The following GRID2 variants were observed in gnomAD, a reference collection of about 807,000 sequenced individuals.
The protein encoded by GRID2 is glutamate receptor ionotropic, delta-2.
In GRID2, 33 loss-of-function variants were observed where a neutral mutation model predicts 114.8. The observed-to-expected ratio is 0.29, with a 90% CI of 0.22 to 0.38. The LOEUF is 0.38. Ranked by LOEUF, GRID2 falls within the 10% of genes least tolerant of loss-of-function variation. GRID2 has a pLI of 1.00. For missense variants in GRID2, 1,184 were observed against 1,257.7 expected, an observed-to-expected ratio of 0.94 and a Z score of 0.89; for synonymous variants, 505 against 449.9, an observed-to-expected ratio of 1.12 and a Z score of -1.55.
At chr4:93,200,564 T>TCAAAAAAAAAAAAAA (rs1435472474) in intron 4 of GRID2, among the ~76,000 whole-genome samples, 30 of 114,502 alleles carry the variant, frequency 2.6e-4, no homozygotes, top group Admixed American at 9.0e-4. Context: ...AGACTCCGTC[T>TCAAAAAAAAAAAAAA]CAAAACAAAC....
chr4:92,583,039 G>A (rs1728256386), intron 1 of GRID2, among the ~76,000 whole-genome samples: 1 of 151,828 alleles, frequency 6.6e-6, no homozygotes, highest in African/African-American at 2.4e-5. Context: ...TTTCTTATCT[G>A]GAAATTTGTT....
intron 1 of GRID2, among the ~76,000 whole-genome samples, chr4:92,550,649 C>T (rs1238198353): frequency 6.6e-6 from 1 of 152,132 alleles, no homozygotes; most frequent in African/African-American, 2.4e-5. Flanking sequence ...CTCAGCCTCT[C>T]TAATTGAGGG....
intron 1 of GRID2, among the ~76,000 whole-genome samples, chr4:92,398,583 G>A (rs1054200513): frequency 2.6e-5 from 4 of 152,182 alleles, no homozygotes; most frequent in Non-Finnish European, 5.9e-5. Flanking sequence ...ACAGGCATGA[G>A]CCACTGCTCC....
chr4:93,053,040 G>C (rs772033433), intron 2 of GRID2, among the ~76,000 whole-genome samples: 19 of 151,836 alleles, frequency 1.3e-4, no homozygotes, highest in Non-Finnish European at 2.5e-4. Context: ...ACCATCGGTG[G>C]AAGAAATGTA....
At chr4:92,398,068 T>C (rs908675047) in intron 1 of GRID2, among the ~76,000 whole-genome samples, 1 of 152,158 alleles carries the variant, frequency 6.6e-6, no homozygotes, top group Non-Finnish European at 1.5e-5. Context: ...AAATAATATA[T>C]GCAGAGACAT....
intron 13 of GRID2, among the ~76,000 whole-genome samples, chr4:93,559,297 G>T (rs1416368599): frequency 1.3e-5 from 2 of 152,112 alleles, no homozygotes; most frequent in Non-Finnish European, 2.9e-5. Flanking sequence ...GAGTGAACAG[G>T]CAACCTACAG....
chr4:93,788,537 C>A (rs866673343), intron 1 of GRID2, among the ~76,000 whole-genome samples: 1 of 151,878 alleles, frequency 6.6e-6, no homozygotes, highest in African/African-American at 2.4e-5. Context: ...CATTGTATAC[C>A]ATATGCATAT....
intron 13 of GRID2, among the ~76,000 whole-genome samples, chr4:93,589,733 A>G (rs1347805439): frequency 2.0e-5 from 3 of 152,184 alleles, no homozygotes; most frequent in Non-Finnish European, 4.4e-5. Flanking sequence ...TGACTTTTTA[A>G]TGATTGCCAT....
Position 92,938,312 on chromosome 4 carries a change from ATCT to A in GRID2, c.245-146678_245-146676del, listed in dbSNP as rs998146177. 6.1e-4 allele frequency among the ~76,000 whole-genome samples: 90 copies of A among 146,688 alleles called. 6 individuals carry two copies. Among genetic ancestry groups the A allele is most frequent in the African/African-American group, 2.1e-3 (87 of 41,262 alleles). ...GATTCTTTTCTTATCAATAGCATAA[ATCT>A]TCTTTATGGCCCATCTTTCTGGTTT... On this transcript the variant is annotated intron_variant, in intron 2 of 15. Transcript: ENST00000282020.
At position 92,684,791 on chromosome 4, in the gene GRID2, T is replaced by C. The variant is rs528053778; in HGVS notation, c.244+94505T>C. On this transcript the variant is annotated intron_variant, in intron 2 of 15. Coordinates refer to ENST00000282020, the MANE Select transcript of GRID2 (RefSeq NM_001510.4). ...CCAAGGAAATAAGGATAACATAATG[T>C]TTGTGGTTGTCAGATGATTTTTAGA... Among the ~76,000 whole-genome samples, 86 of 152,154 alleles carry C rather than the reference T, an allele frequency of 5.7e-4. 1 individual carries two copies. The South Asian group carries it at 0.017, about 30-fold the overall frequency.
rs548662007 is a variant in GRID2, at chr4:93,603,377, C to T, written c.2194-22892C>T. 3.9e-5 allele frequency among the ~76,000 whole-genome samples: 6 copies of T among 152,292 alleles called. No homozygotes were observed. In the South Asian group the frequency reaches 8.3e-4, roughly 21 times the overall value. On this transcript the variant is annotated intron_variant, in intron 13 of 15. Transcript: ENST00000282020. ...CCTAACTTTTTTCAATTCTATTCAC[C>T]TCTATGAGAAACATGAGAAAGCTGC...
rs569759390 is a variant in GRID2 at position 93,722,370 on chromosome 4, G to C, written c.2361-46840G>C. On this transcript the variant is annotated intron_variant, in intron 14 of 15. Transcript: ENST00000282020. ...GAAATTATTCAGAATCATATCACTAGTGAGTTACGGACCAGGAACTTTAAC... is the reference window on the plus strand; with the variant it reads ...GAAATTATTCAGAATCATATCACTACTGAGTTACGGACCAGGAACTTTAAC... 1.9e-4 allele frequency among the ~76,000 whole-genome samples: 29 copies of C among 152,258 alleles called. 1 individual carries two copies. The East Asian group carries it at 5.6e-3, about 29-fold the overall frequency.
At chr4:92,767,084 G>A (rs2149349268) in intron 2 of GRID2, among the ~76,000 whole-genome samples, 1 of 152,306 alleles carries the variant, frequency 6.6e-6, no homozygotes, top group East Asian at 1.9e-4. Flanking sequence ...AAATGATGTA[G>A]CACGTTCTCA....
intron 8 of GRID2, among the ~76,000 whole-genome samples, chr4:93,302,836 C>T (rs370708101): frequency 6.6e-6 from 1 of 152,140 alleles, no homozygotes; most frequent in Non-Finnish European, 1.5e-5. Flanking sequence ...TGAATATTTC[C>T]ATGTTTCTGT....
At position 93,423,336 on chromosome 4, in the gene GRID2, CTTTTTTTTTTTTTTTTTT is replaced by C. The variant is rs554663844; in HGVS notation, c.1545+380_1545+397del. Among the ~76,000 whole-genome samples the C allele has an allele frequency of 5.0e-4, 37 of 73,568 alleles. 1 individual carries two copies. The highest frequency in any genetic ancestry group is 4.2e-3 in the Admixed American group (19 of 4,490). The allele number at this position is 73,568 out of a possible 152,430, so 48.3% of individuals were successfully genotyped here. On this transcript the variant is annotated intron_variant, in intron 10 of 15. Transcript: ENST00000282020. Reference sequence around the variant, plus strand: ...GCAATTTGTACTATTTTTTTTCTTTCTTTTTTTTTTTTTTTTTTTTTTTTTTTTTGAGACAGAGTCTCA... The same window carrying C: ...GCAATTTGTACTATTTTTTTTCTTTCTTTTTTTTTTTGAGACAGAGTCTCA...
chr4:93,063,351 A>G (rs895164772), intron 2 of GRID2, among the ~76,000 whole-genome samples: 7 of 151,852 alleles, frequency 4.6e-5, no homozygotes, highest in African/African-American at 1.7e-4. Flanking sequence ...GGTTTTGCAT[A>G]GGGAATTGTG....
rs200098114 is a variant in GRID2 at position 93,652,784 on chromosome 4, TAAAAAAAAA to T, written c.2360+26369_2360+26377del. Among the ~76,000 whole-genome samples, 302 of 86,388 alleles carry T rather than the reference TAAAAAAAAA, an allele frequency of 3.5e-3. 2 individuals carry two copies. Among genetic ancestry groups the T allele is most frequent in the Middle Eastern group, 0.01 (2 of 192 alleles). 56.7% of individuals were successfully genotyped at this position (86,388 alleles called of 152,430 possible). A position where few individuals can be genotyped will look rare whatever the true frequency, so the allele number is the denominator to read the frequency against. On this transcript the variant is annotated intron_variant, in intron 14 of 15. Coordinates refer to ENST00000282020, the MANE Select transcript of GRID2 (RefSeq NM_001510.4). Reference sequence around the variant, plus strand: ...GAATGACAGTAAATGCAGTAAATGCTAAAAAAAAAAAAAAAAAAAAAAAAAAAATGAACT... The same window carrying T: ...GAATGACAGTAAATGCAGTAAATGCTAAAAAAAAAAAAAAAAAAATGAACT...
chr4:92,697,922 G>T (rs887854880), intron 2 of GRID2, among the ~76,000 whole-genome samples: 2 of 152,144 alleles, frequency 1.3e-5, no homozygotes, highest in Admixed American at 6.5e-5. Context: ...AAAAAATATT[G>T]GAAAAATTAA....
At chr4:93,042,291 C>CTA (rs1274900741) in intron 2 of GRID2, among the ~76,000 whole-genome samples, 1 of 86,542 alleles carries the variant, frequency 1.2e-5, no homozygotes, top group African/African-American at 4.4e-5. Context: ...CTCTCTCTCT[C>CTA]TCTCTCTCTA....
Sources: gnomAD v4.1 joint callset for allele counts (sites outside exome capture counted in the v4.1 genomes callset) on GRCh38, gnomAD v4.1.1 for gene constraint, MANE v1.5 for transcripts, NCBI Gene and HGNC (gene_info 2026-07-23, HGNC 2026-07-21) for gene names.